The following BTBD9 variants were observed in gnomAD, a reference collection of about 807,000 sequenced individuals.
BTBD9 encodes BTB domain containing 9.
In BTBD9, 49 loss-of-function variants were observed where a neutral mutation model predicts 64.3. That is an observed-to-expected ratio of 0.76 (90% CI 0.61 to 0.97). BTBD9 has a LOEUF of 0.97. Ranked by LOEUF, BTBD9 falls within the 50% of genes least tolerant of loss-of-function variation. BTBD9 has a pLI of 0.00. For synonymous variants in BTBD9, 260 were observed against 274.7 expected, an observed-to-expected ratio of 0.95 and a Z score of 0.53; for missense variants, 598 against 762.1, an observed-to-expected ratio of 0.78 and a Z score of 2.53.
rs1439917036 is a variant in BTBD9, at chr6:38,175,162, A to G, written c.1662T>C (p.Phe554=). 6.2e-7 allele frequency: 1 copy of G among 1,614,088 alleles called. No individual in the cohort carries two copies. The highest frequency in any genetic ancestry group is 1.3e-5 in the African/African-American group (1 of 74,934). The change falls in exon 11 of 11, where the codon TTT becomes TTC. Residue 554 remains phenylalanine (F), a synonymous_variant. Transcript: ENST00000481247. Reference sequence around the variant, plus strand: ...GGCTGCTCTGCTGCTCTGGACACTCAAAGTGGACACAGTGGAACACCTGGG... The same window carrying G: ...GGCTGCTCTGCTGCTCTGGACACTCGAAGTGGACACAGTGGAACACCTGGG... ...TANEVFHCVH[F]ECPEQQSSQK...
At chr6:38,568,370 T>C (rs1006893491) in intron 6 of BTBD9, among the ~76,000 whole-genome samples, 2 of 152,240 alleles carry the variant, frequency 1.3e-5, no homozygotes, top group Non-Finnish European at 2.9e-5. Context: ...TGAAGTTTTA[T>C]TTCATTGACC....
intron 6 of BTBD9, among the ~76,000 whole-genome samples, chr6:38,495,775 G>A (rs1018685862): frequency 3.0e-5 from 4 of 135,500 alleles, no homozygotes; most frequent in Admixed American, 7.4e-5. Context: ...GCGGGGGGGC[G>A]GGGGTATAAC....
intron 6 of BTBD9, among the ~76,000 whole-genome samples, chr6:38,491,414 C>T (rs1033608194): frequency 3.3e-5 from 5 of 152,282 alleles, no homozygotes; most frequent in African/African-American, 7.2e-5. Context: ...AAAGTCCTTA[C>T]CTACCATTGC....
intron 6 of BTBD9, among the ~76,000 whole-genome samples, chr6:38,517,391 G>GT (rs1302224394): frequency 6.6e-6 from 1 of 152,206 alleles, no homozygotes; most frequent in Non-Finnish European, 1.5e-5. Flanking sequence ...CAAACCTTGT[G>GT]TATCTTGTCA....
intron 4 of BTBD9, among the ~76,000 whole-genome samples, chr6:38,580,743 CA>C (rs927780136): frequency 6.7e-5 from 10 of 150,172 alleles, no homozygotes; most frequent in African/African-American, 2.2e-4. Flanking sequence ...TAAAAACAAA[CA>C]AAAAAAATGT....
At chr6:38,538,299 T>C (rs750805470) in intron 6 of BTBD9, among the ~76,000 whole-genome samples, 5 of 152,092 alleles carry the variant, frequency 3.3e-5, no homozygotes, top group Admixed American at 6.5e-5. Flanking sequence ...AGAGACAGAA[T>C]TGCAAATTAC....
At chr6:38,381,202 A>G (rs1765918104) in intron 6 of BTBD9, among the ~76,000 whole-genome samples, 2 of 152,298 alleles carry the variant, frequency 1.3e-5, no homozygotes, top group African/African-American at 4.8e-5. Context: ...AAACTGAAGA[A>G]AAGTAAAATC....
chr6:38,288,202 T>C, intron 8 of BTBD9, 70 bp downstream of exon 8: 1 of 1,454,734 alleles, frequency 6.9e-7, no homozygotes, highest in Non-Finnish European at 9.4e-7. Flanking sequence ...AGGATTATCA[T>C]TTTACCAAAA....
Position 38,310,705 on chromosome 6 carries a change from G to A in BTBD9, c.1265-22244C>T, listed in dbSNP as rs528625573. Among the ~76,000 whole-genome samples the A allele has an allele frequency of 3.3e-5, 5 of 151,744 alleles. No individual in the cohort carries two copies. In the South Asian group the frequency reaches 8.3e-4, roughly 25 times the overall value. ...ACATAGTAAGCATATATATATTTAC[G>A]GGGTATACGAAATATTTTGGTACAG... is the stretch of plus-strand genomic sequence containing the variant. On this transcript the variant is annotated intron_variant, in intron 7 of 10. Transcript: ENST00000481247.
intron 9 of BTBD9, among the ~76,000 whole-genome samples, chr6:38,251,740 A>G (rs1764409976): frequency 6.6e-6 from 1 of 152,050 alleles, no homozygotes; most frequent in Non-Finnish European, 1.5e-5. Context: ...AAAATACACA[A>G]AATTAGCCAG....
intron 6 of BTBD9, among the ~76,000 whole-genome samples, chr6:38,374,296 T>TACATATATATATATATATACAC (rs1491482634): frequency 1.4e-5 from 1 of 70,652 alleles, no homozygotes; most frequent in African/African-American, 9.3e-5. Flanking sequence ...TATATATATA[T>TACATATATATATATATATACAC]GTATATATAT....
chr6:38,457,135 G>A (rs1391537093), intron 6 of BTBD9, among the ~76,000 whole-genome samples: 1 of 152,188 alleles, frequency 6.6e-6, no homozygotes, highest in Non-Finnish European at 1.5e-5. Context: ...AGTCATGGGG[G>A]CAGAATGAGA....
At chr6:38,390,672 T>G (rs1766370105) in intron 6 of BTBD9, among the ~76,000 whole-genome samples, 1 of 152,180 alleles carries the variant, frequency 6.6e-6, no homozygotes, top group Non-Finnish European at 1.5e-5. Flanking sequence ...CTAAGGAACA[T>G]GCACAGTATC....
At chr6:38,179,765 G>A (rs1331477901) in intron 10 of BTBD9, 4 of 456,614 alleles carry the variant, frequency 8.8e-6, no homozygotes, top group African/African-American at 4.0e-5. Flanking sequence ...CTACCAGCAC[G>A]GGATCAGTAA....
At chr6:38,261,398 C>T (rs933690900) in intron 8 of BTBD9, among the ~76,000 whole-genome samples, 8 of 152,228 alleles carry the variant, frequency 5.3e-5, no homozygotes, top group Non-Finnish European at 1.0e-4. Flanking sequence ...AAAATCTATA[C>T]CAATTTATAT....
At chr6:38,480,504 T>C (rs932129686) in intron 6 of BTBD9, among the ~76,000 whole-genome samples, 5 of 152,202 alleles carry the variant, frequency 3.3e-5, no homozygotes, top group Non-Finnish European at 7.3e-5. Flanking sequence ...TTTTAGCCTC[T>C]CATTTAAATT....
At chr6:38,630,585 G>T (rs770933103) in intron 1 of BTBD9, among the ~76,000 whole-genome samples, 17 of 152,168 alleles carry the variant, frequency 1.1e-4, no homozygotes, top group Non-Finnish European at 2.2e-4. Flanking sequence ...GGTTATAAAA[G>T]AATTCTTTGT....
At chr6:38,189,279 T>C (rs1301314627) in intron 10 of BTBD9, among the ~76,000 whole-genome samples, 3 of 152,234 alleles carry the variant, frequency 2.0e-5, no homozygotes, top group Non-Finnish European at 4.4e-5. Flanking sequence ...CCAGGAATCC[T>C]GCCTGACCCA....
intron 6 of BTBD9, among the ~76,000 whole-genome samples, chr6:38,492,133 A>G (rs752799286): frequency 5.9e-5 from 9 of 152,158 alleles, no homozygotes; most frequent in Non-Finnish European, 1.3e-4. Flanking sequence ...AAATCAATCT[A>G]TAATACACAA....
Sources: gnomAD v4.1 joint callset for allele counts (sites outside exome capture counted in the v4.1 genomes callset) on GRCh38, gnomAD v4.1.1 for gene constraint, MANE v1.5 for transcripts, NCBI Gene and HGNC (gene_info 2026-07-23, HGNC 2026-07-21) for gene names.